C18orf63: variants seen among roughly 807,000 people sequenced by gnomAD.
The protein encoded by C18orf63 is chromosome 18 open reading frame 63, also known as uncharacterized protein C18orf63.
C18orf63 carries 50 observed loss-of-function variants against 75.3 expected under a neutral mutation model. The ratio of observed to expected loss-of-function variants is 0.66; its 90% CI spans 0.53 to 0.84. C18orf63 has a LOEUF of 0.84. Ranked by LOEUF, C18orf63 falls within the 40% of genes least tolerant of loss-of-function variation. C18orf63 has a pLI of 0.00. For synonymous variants in C18orf63, 232 were observed against 267.6 expected, an observed-to-expected ratio of 0.87 and a Z score of 1.30; for missense variants, 732 against 800.2, an observed-to-expected ratio of 0.91 and a Z score of 1.03.
At chr18:74,317,286 T>C (rs2145111988) in intron 1 of C18orf63, among the ~76,000 whole-genome samples, 1 of 152,342 alleles carries the variant, frequency 6.6e-6, no homozygotes, top group African/African-American at 2.4e-5. Context: ...GTATACCTTA[T>C]GAATTATCAA....
rs1324710984 is a variant in C18orf63, at chr18:74,353,633, C to T, written c.1366C>T (p.Pro456Ser). 6 of 1,535,848 alleles carry T rather than the reference C, an allele frequency of 3.9e-6. No individual in the cohort carries two copies. The highest frequency in any genetic ancestry group is 2.4e-5 in the East Asian group (1 of 40,922). ...CAAAAATACCTCAGTACTTGGCAGC[C>T]CAAAAAGAAAACAGCATGATGTGAC... ...MNKNTSVLGS[P>S]KRKQHDVTQS... Residue 456 changes from proline (P) to serine (S), a missense_variant, in exon 12 of 14, where the codon CCA becomes TCA. Coordinates refer to ENST00000579455, the MANE Select transcript of C18orf63 (RefSeq NM_001174123.2).
rs535586434 is a variant in C18orf63, at chr18:74,358,729, C to T, written c.*2282C>T. On this transcript the variant is annotated 3_prime_UTR_variant, in exon 14 of 14. Coordinates refer to ENST00000579455, the MANE Select transcript of C18orf63 (RefSeq NM_001174123.2). ...TATGTCCAGGAGCTGAAGAAATCAG[C>T]GATTACTTTAAAAAATATATGGCAA... 1.3e-5 allele frequency: 2 copies of T among 151,964 alleles called. No individual in the cohort carries two copies. The highest frequency in any genetic ancestry group is 2.9e-5 in the Non-Finnish European group (2 of 67,944). The allele number at this position is 151,964 out of a possible 1,614,324, so 9.4% of individuals were successfully genotyped here. A position where few individuals can be genotyped will look rare whatever the true frequency, so the allele number is the denominator to read the frequency against.
intron 11 of C18orf63, among the ~76,000 whole-genome samples, chr18:74,345,131 G>C (rs888271068): frequency 6.6e-6 from 1 of 151,952 alleles, no homozygotes; most frequent in Admixed American, 6.6e-5. Flanking sequence ...GCATTTTCCC[G>C]ATTATTAATG....
chr18:74,349,544 A>G (rs1984631535), intron 11 of C18orf63, among the ~76,000 whole-genome samples: 1 of 152,186 alleles, frequency 6.6e-6, no homozygotes, highest in African/African-American at 2.4e-5. Flanking sequence ...CAGCAGCAGC[A>G]TTAGATTCTT....
At chr18:74,339,756 C>CA (rs1372407902) in intron 8 of C18orf63, among the ~76,000 whole-genome samples, 1 of 151,946 alleles carries the variant, frequency 6.6e-6, no homozygotes, top group African/African-American at 2.4e-5. Context: ...AAAGACTCCA[C>CA]AAAAAAACTG....
chr18:74,352,089 T>C (rs1984675681), intron 11 of C18orf63, among the ~76,000 whole-genome samples: 1 of 152,058 alleles, frequency 6.6e-6, no homozygotes, highest in African/African-American at 2.4e-5. Context: ...TCCTGACTCA[T>C]GTTGCAATAT....
At chr18:74,356,428 A>G (rs1433022098) in intron 13 of C18orf63, 53 bp from the exon 14 acceptor site, 1 of 152,662 alleles carries the variant, frequency 6.6e-6, no homozygotes, top group Non-Finnish European at 1.5e-5. Context: ...CTTGAGTAGT[A>G]CAGAGCAGTT....
intron 4 of C18orf63, among the ~76,000 whole-genome samples, chr18:74,323,541 G>T (rs1027687032): frequency 1.3e-5 from 2 of 152,138 alleles, no homozygotes; most frequent in African/African-American, 4.8e-5. Flanking sequence ...ACAAGTCTTT[G>T]GTCATCTAAG....
rs1187834470 is a variant in C18orf63 at position 74,328,112 on chromosome 18, T to G, written c.382+54T>G. On this transcript the variant is annotated intron_variant, in intron 5 of 13. Coordinates refer to ENST00000579455, the MANE Select transcript of C18orf63 (RefSeq NM_001174123.2). ...TTTCTGAACTAGATTACGTCTGTTA[T>G]GTGTGTATTAGTCTATTCTCATGCT... is the stretch of plus-strand genomic sequence containing the variant. The G allele has an allele frequency of 6.9e-6, 7 of 1,017,740 alleles. No individual in the cohort carries two copies. In the East Asian group the frequency reaches 1.6e-4, roughly 23 times the overall value. The allele number at this position is 1,017,740 out of a possible 1,614,324, so 63.0% of individuals were successfully genotyped here.
At chr18:74,349,436 A>G (rs1380236186) in intron 11 of C18orf63, among the ~76,000 whole-genome samples, 1 of 152,120 alleles carries the variant, frequency 6.6e-6, no homozygotes, top group Non-Finnish European at 1.5e-5. Context: ...TCATGGACCT[A>G]CCAGTCCATG....
At chr18:74,348,689 T>A (rs972135978) in intron 11 of C18orf63, among the ~76,000 whole-genome samples, 1 of 152,198 alleles carries the variant, frequency 6.6e-6, no homozygotes, top group Admixed American at 6.5e-5. Flanking sequence ...AAAGCATATT[T>A]TTTTTGTTGG....
At chr18:74,332,299 G>A (rs1984320797) in intron 7 of C18orf63, among the ~76,000 whole-genome samples, 1 of 152,058 alleles carries the variant, frequency 6.6e-6, no homozygotes, top group African/African-American at 2.4e-5. Context: ...ATAAAGCCAT[G>A]AGTCCTACTC....
At chr18:74,342,960 T>C (rs1599007432) in intron 10 of C18orf63, among the ~76,000 whole-genome samples, 1 of 152,154 alleles carries the variant, frequency 6.6e-6, no homozygotes. Context: ...TTTGCGTTCT[T>C]TGTTTCCTAA....
At chr18:74,345,174 A>G (rs1984552606) in intron 11 of C18orf63, among the ~76,000 whole-genome samples, 1 of 151,822 alleles carries the variant, frequency 6.6e-6, no homozygotes, top group African/African-American at 2.4e-5. Flanking sequence ...TATTTTGGCC[A>G]TTTGGATTTT....
At chr18:74,339,469 A>G (rs1160134901) in intron 8 of C18orf63, among the ~76,000 whole-genome samples, 1 of 152,146 alleles carries the variant, frequency 6.6e-6, no homozygotes, top group Non-Finnish European at 1.5e-5. Context: ...AGTTTTTTCT[A>G]GTAATTCTAG....
At chr18:74,319,871 G>C (rs1984090068) in intron 2 of C18orf63, among the ~76,000 whole-genome samples, 2 of 152,204 alleles carry the variant, frequency 1.3e-5, no homozygotes, top group Admixed American at 1.3e-4. Context: ...TAGGTTCACA[G>C]ATGAAAGAGA....
intron 2 of C18orf63, 46 bp downstream of exon 2, chr18:74,318,045 C>T (rs1288639922): frequency 2.4e-6 from 3 of 1,263,272 alleles, no homozygotes; most frequent in African/African-American, 3.0e-5. Context: ...ACTTTGAGAC[C>T]TATAAAAGCT....
Position 74,354,491 on chromosome 18 carries a change from C to G in C18orf63, c.2036C>G (p.Ser679Cys). Reference sequence around the variant, plus strand: ...TCGGATAAATCAAAACTTAAGAAATCTCTCATCATTCATAATGCTTAGAAC... The same window carrying G: ...TCGGATAAATCAAAACTTAAGAAATGTCTCATCATTCATAATGCTTAGAAC... The part of the protein sequence containing the change: ...LDSDKSKLKK[S>C]LIIHNA Residue 679 changes from serine to cysteine, a missense_variant, in exon 13 of 14, where the codon TCT becomes TGT. Ser to Cys is a moderately radical substitution (Grantham distance 112). Transcript: ENST00000579455. 6.8e-7 allele frequency: 1 copy of G among 1,462,554 alleles called. No individual in the cohort carries two copies. Among genetic ancestry groups the G allele is most frequent in the Middle Eastern group, 1.7e-4 (1 of 5,814 alleles). 90.6% of individuals were successfully genotyped at this position (1,462,554 alleles called of 1,614,324 possible). A position where few individuals can be genotyped will look rare whatever the true frequency, so the allele number is the denominator to read the frequency against.
intron 11 of C18orf63, among the ~76,000 whole-genome samples, chr18:74,350,885 G>C (rs1019495265): frequency 6.6e-6 from 1 of 152,178 alleles, no homozygotes; most frequent in Non-Finnish European, 1.5e-5. Context: ...ATGATATTAG[G>C]AGGTAGGGTC....
Sources: gnomAD v4.1 joint callset for allele counts (sites outside exome capture counted in the v4.1 genomes callset) on GRCh38, gnomAD v4.1.1 for gene constraint, MANE v1.5 for transcripts, NCBI Gene and HGNC (gene_info 2026-07-23, HGNC 2026-07-21) for gene names.